The following SECISBP2 variants were observed in gnomAD, a reference collection of about 807,000 sequenced individuals.
SECISBP2 encodes selenocysteine insertion sequence-binding protein 2.
Under a neutral mutation model 98.2 loss-of-function variants are expected in SECISBP2, and 96 were observed. The observed-to-expected ratio is 0.98, with a 90% CI of 0.83 to 1.16. The LOEUF is 1.16. SECISBP2 is among the 50% of genes most tolerant of loss of function. SECISBP2 has a pLI of 0.00. For synonymous variants in SECISBP2, 407 were observed against 370.2 expected (o/e 1.10, Z -1.14); for missense variants, 1,046 against 1,022.9 (o/e 1.02, Z -0.31).
chr9:89,365,984 G>GGACTT, the SECISBP2 span, among the ~76,000 whole-genome samples: 1 of 152,186 alleles, frequency 6.6e-6, no homozygotes, highest in Non-Finnish European at 1.5e-5. Flanking sequence ...CTCCTCCCAA[G>GGACTT]GACTTGACCA....
In SECISBP2 at chr9:89,318,544, C is replaced by T. The variant is rs1446267215; in HGVS notation, c.-33C>T. The T allele has an allele frequency of 5.3e-6, 8 of 1,511,446 alleles. No homozygotes were observed. The African/African-American group carries it at 8.6e-5, about 16-fold the overall frequency. 93.6% of individuals were successfully genotyped at this position (1,511,446 alleles called of 1,614,324 possible). ...GGCAAGCCGACGGCCCGCTGCTGGC[C>T]TCCGTGACGCGGCCTCCTCCGCGCC... On this transcript the variant is annotated 5_prime_UTR_variant, in exon 1 of 17. Transcript: ENST00000375807.
At chr9:89,325,237 C>T in intron 2 of SECISBP2, 190 bp from the exon 3 acceptor site, 1 of 608,006 alleles carries the variant, frequency 1.6e-6, no homozygotes, top group Non-Finnish European at 2.9e-6. Context: ...AAAATAGAGT[C>T]AACATCTTTC....
intron 4 of SECISBP2, among the ~76,000 whole-genome samples, chr9:89,327,067 CA>C (rs953689753): frequency 1.3e-5 from 2 of 151,666 alleles, no homozygotes; most frequent in African/African-American, 4.8e-5. Context: ...GAGGCTGAGG[CA>C]GGAGAATGGC....
At chr9:89,362,430 TGAAA>T, downstream of SECISBP2, 2 of 1,614,060 alleles carry the variant, frequency 1.2e-6, no homozygotes, top group Non-Finnish European at 1.7e-6. Flanking sequence ...ACAGCTTTCC[TGAAA>T]GAACAATGTG....
rs1281629924 is a variant in SECISBP2, at chr9:89,359,110, A to G, written c.*286A>G. ...TCTGGAAAATACTGGAAAATGTGAT[A>G]CTTAGAATACTTTGGCTGCTAAGGA... On this transcript the variant is annotated 3_prime_UTR_variant, in exon 17 of 17. Transcript: ENST00000375807. 4.8e-6 allele frequency: 2 copies of G among 413,690 alleles called. No individual in the cohort carries two copies. Among genetic ancestry groups the G allele is most frequent in the Non-Finnish European group, 9.0e-6 (2 of 222,878 alleles). 25.6% of individuals were successfully genotyped at this position (413,690 alleles called of 1,614,324 possible).
chr9:89,338,396 G>C, intron 7 of SECISBP2, 62 bp from the exon 8 acceptor site: 1 of 1,581,536 alleles, frequency 6.3e-7, no homozygotes. Flanking sequence ...TTGATACATA[G>C]TATTAAACAT....
chr9:89,349,852 C>G lies in SECISBP2; in HGVS notation c.1815C>G (p.Leu605=), dbSNP rs1830998582. Residue 605 remains leucine (L), a synonymous_variant, in exon 13 of 17, where the codon CTC becomes CTG. Transcript: ENST00000375807. ...DKSEEPPGTE[L]QRDTEASHLA... is the part of the protein sequence containing the mutation. ...CTGAAGAGCCACCAGGCACAGAGCT[C>G]CAGAGGGACACAGAGGCCTCCCACC... The G allele has an allele frequency of 1.9e-6, 3 of 1,614,080 alleles. No individual in the cohort carries two copies. The highest frequency in any genetic ancestry group is 1.1e-5 in the South Asian group (1 of 91,080).
chr9:89,328,703 A>G lies in SECISBP2; in HGVS notation c.618A>G (p.Ala206=). ...CAGACAGGAAATCCAGAATCATTGC[A>G]AAAAATGTATCTACCTCCAAACCTG... The part of the protein sequence containing the change: ...KRTDRKSRII[A]KNVSTSKPEF... Residue 206 remains alanine (A), a synonymous_variant, in exon 5 of 17, where the codon GCA becomes GCG. Coordinates refer to ENST00000375807, the MANE Select transcript of SECISBP2 (RefSeq NM_024077.5). The G allele has an allele frequency of 6.2e-7, 1 of 1,614,164 alleles. No individual in the cohort carries two copies. The highest frequency in any genetic ancestry group is 8.5e-7 in the Non-Finnish European group (1 of 1,179,966).
Position 89,319,787 on chromosome 9 carries a change from CCAGTGA to C in SECISBP2, c.176_181del (p.Val59_Thr60del), listed in dbSNP as rs1825383628. ...ATACTATCCGTTTGTTCAGGAACCA[CCAGTGA>C]CAGAGTATGTATCTTTCTAAAAGTC... is the stretch of plus-strand genomic sequence containing the variant. On this transcript the variant is annotated inframe_deletion, in exon 2 of 17. Coordinates refer to ENST00000375807, the MANE Select transcript of SECISBP2 (RefSeq NM_024077.5). 1 of 1,613,854 alleles carries C rather than the reference CCAGTGA, an allele frequency of 6.2e-7. No homozygotes were observed. Among genetic ancestry groups the C allele is most frequent in the Non-Finnish European group, 8.5e-7 (1 of 1,179,892 alleles).
At chr9:89,362,292 A>G, downstream of SECISBP2, 1 of 1,594,262 alleles carries the variant, frequency 6.3e-7, no homozygotes, top group Non-Finnish European at 8.6e-7. Flanking sequence ...AGGCTTGGGC[A>G]AGACAGTTCA....
downstream of SECISBP2, chr9:89,362,287 T>TG: frequency 6.3e-7 from 1 of 1,584,860 alleles, no homozygotes. Flanking sequence ...AGAGCAGGCT[T>TG]GGGCAAGACA....
chr9:89,347,984 G>A (rs1830681109), intron 11 of SECISBP2, 95 bp from the exon 12 acceptor site: 5 of 1,269,258 alleles, frequency 3.9e-6, no homozygotes, highest in Middle Eastern at 2.3e-4. Flanking sequence ...GAGGCACATT[G>A]CCAAAAAGTT....
chr9:89,328,641 T>C lies in SECISBP2; in HGVS notation c.575-19T>C. On this transcript the variant is annotated intron_variant, in intron 4 of 16. Coordinates refer to ENST00000375807, the MANE Select transcript of SECISBP2 (RefSeq NM_024077.5). ...CAGTAACTAAATTTTTACTCTTACT[T>C]TTAATTTTGTAATTACAGATGGTTA... The C allele has an allele frequency of 6.2e-7, 1 of 1,605,982 alleles. No homozygotes were observed. The highest frequency in any genetic ancestry group is 8.5e-7 in the Non-Finnish European group (1 of 1,172,834).
chr9:89,319,653 G>T lies in SECISBP2; in HGVS notation c.38G>T (p.Gly13Val), dbSNP rs373683691. ...SEGPREPESEGIKLSADVKPF... is the reference protein window; with the variant it reads ...SEGPREPESEVIKLSADVKPF... The stretch of plus-strand genomic sequence containing the variant: ...CCAAAACCTCATATTTTTCCTCAGG[G>T]CATCAAGTTATCAGCAGATGTCAAA... The change falls in exon 2 of 17, where the codon GGC becomes GTC. Residue 13 changes from glycine (G) to valine (V), a missense_variant and splice_region_variant. Physicochemically the swap from Gly to Val is moderately radical, Grantham distance 109. Transcript: ENST00000375807. 2 of 1,614,090 alleles carry T rather than the reference G, an allele frequency of 1.2e-6. No individual in the cohort carries two copies. The highest frequency in any genetic ancestry group is 1.7e-6 in the Non-Finnish European group (2 of 1,180,004).
intron 9 of SECISBP2, among the ~76,000 whole-genome samples, chr9:89,340,941 A>T (rs1190049718): frequency 6.6e-6 from 1 of 152,160 alleles, no homozygotes; most frequent in Non-Finnish European, 1.5e-5. Context: ...CTATAATTTC[A>T]TGGCATTTGT....
chr9:89,339,959 T>C lies in SECISBP2; in HGVS notation c.1302+6T>C. The C allele has an allele frequency of 1.2e-6, 2 of 1,600,828 alleles. No individual in the cohort carries two copies. The highest frequency in any genetic ancestry group is 2.2e-5 in the East Asian group (1 of 44,778). On this transcript the variant is annotated splice_donor_region_variant and intron_variant, in intron 9 of 16. Transcript: ENST00000375807. ...AATCTAAGCAGCAGCCACAGGTAAT[T>C]TTTAGATTGAAACCACAAATTGCTT... is the stretch of plus-strand genomic sequence containing the variant.
downstream of SECISBP2, chr9:89,361,934 TCAATAAAAG>T (rs1177280780): frequency 5.7e-6 from 1 of 174,728 alleles, no homozygotes; most frequent in Non-Finnish European, 1.2e-5. Flanking sequence ...TTGATTTGCA[TCAATAAAAG>T]CAGCGATCTG....
the SECISBP2 span, chr9:89,367,065 CTATT>C: frequency 6.6e-6 from 1 of 152,528 alleles, no homozygotes; most frequent in Non-Finnish European, 1.5e-5. Context: ...TCAGTAAATA[CTATT>C]TAAATACATG....
intron 2 of SECISBP2, chr9:89,323,533 G>A (rs1270410923): frequency 6.6e-6 from 1 of 152,650 alleles, no homozygotes; most frequent in Non-Finnish European, 1.5e-5. Context: ...GAGGTCCTGG[G>A]AGACCTGGAA....
Sources: allele counts gnomAD v4.1 joint callset (sites outside exome capture counted in the v4.1 genomes callset), GRCh38; gene constraint gnomAD v4.1.1; transcripts MANE v1.5; gene names NCBI Gene and HGNC (gene_info 2026-07-23, HGNC 2026-07-21).